SORCS1: variants seen among roughly 807,000 people sequenced by gnomAD.
SORCS1 encodes the protein VPS10 domain-containing receptor SorCS1.
SORCS1 carries 60 observed loss-of-function variants against 146.1 expected under a neutral mutation model. The ratio of observed to expected loss-of-function variants is 0.41; its 90% CI spans 0.33 to 0.51. The LOEUF (loss-of-function observed/expected upper bound fraction) is 0.51, where lower values mean the gene tolerates loss of function less well. Ranked by LOEUF, SORCS1 falls within the 20% of genes least tolerant of loss-of-function variation. The pLI is 0.21. For missense variants in SORCS1, 1,352 were observed against 1,487.6 expected (o/e 0.91, Z 1.50); for synonymous variants, 637 against 584.0 (o/e 1.09, Z -1.31).
At chr10:107,088,703 G>T (rs1290422656) in intron 1 of SORCS1, among the ~76,000 whole-genome samples, 1 of 152,176 alleles carries the variant, frequency 6.6e-6, no homozygotes, top group Non-Finnish European at 1.5e-5. Flanking sequence ...ACCAAAGTGG[G>T]ACAGTTAGCA....
upstream of SORCS1, among the ~76,000 whole-genome samples, chr10:107,166,089 A>T (rs1424284905): frequency 6.6e-6 from 1 of 152,136 alleles, no homozygotes; most frequent in Non-Finnish European, 1.5e-5. Flanking sequence ...CATATACGTA[A>T]TATTCTCTTA....
At chr10:107,034,961 A>G (rs1366926134) in intron 1 of SORCS1, among the ~76,000 whole-genome samples, 2 of 152,194 alleles carry the variant, frequency 1.3e-5, no homozygotes, top group East Asian at 3.9e-4. Flanking sequence ...TCATGGTGAT[A>G]TAATCAATGT....
At chr10:106,915,070 C>T (rs2138302586) in intron 2 of SORCS1, among the ~76,000 whole-genome samples, 1 of 152,328 alleles carries the variant, frequency 6.6e-6, no homozygotes, top group African/African-American at 2.4e-5. Flanking sequence ...GGTTGCTTAT[C>T]TTCAGCTCAG....
chr10:107,078,826 C>T (rs1034448075), intron 1 of SORCS1, among the ~76,000 whole-genome samples: 2 of 152,194 alleles, frequency 1.3e-5, no homozygotes, highest in Admixed American at 1.3e-4. Context: ...GTAAAGTACT[C>T]TCTGCAACTA....
At chr10:106,807,878 T>G (rs1244457183) in intron 3 of SORCS1, among the ~76,000 whole-genome samples, 1 of 152,272 alleles carries the variant, frequency 6.6e-6, no homozygotes, top group Non-Finnish European at 1.5e-5. Context: ...GCAATGTCAA[T>G]GCATTCTTTA....
At chr10:107,071,551 T>A (rs17122035) in intron 1 of SORCS1, among the ~76,000 whole-genome samples, 3 of 152,112 alleles carry the variant, frequency 2.0e-5, no homozygotes, top group African/African-American at 7.3e-5. Context: ...GTTGTTCTGA[T>A]GAAAAATGTG....
At chr10:106,955,856 G>A (rs1384060435) in intron 2 of SORCS1, among the ~76,000 whole-genome samples, 1 of 152,164 alleles carries the variant, frequency 6.6e-6, no homozygotes, top group Non-Finnish European at 1.5e-5. Context: ...AGCCAGGCGT[G>A]GTGGCGCATG....
intron 20 of SORCS1, 86 bp from the exon 21 acceptor site, chr10:106,618,358 T>C: frequency 6.5e-7 from 1 of 1,534,442 alleles, no homozygotes; most frequent in Middle Eastern, 1.7e-4. Context: ...CAATAGGCTG[T>C]CTAACCCAGC....
intron 21 of SORCS1, among the ~76,000 whole-genome samples, chr10:106,612,589 C>T (rs932790277): frequency 1.1e-4 from 16 of 151,884 alleles, no homozygotes; most frequent in African/African-American, 2.4e-4. Flanking sequence ...CAGAGGGATA[C>T]GTGGGGGCAG....
At chr10:107,090,920 A>G (rs1283573575) in intron 1 of SORCS1, among the ~76,000 whole-genome samples, 1 of 36,342 alleles carries the variant, frequency 2.8e-5, no homozygotes, top group African/African-American at 1.8e-4. Flanking sequence ...ATTCTAAAGT[A>G]CACACACACA....
chr10:106,709,350 C>T lies in SORCS1; in HGVS notation c.1025-9G>A, dbSNP rs1173353502. 1.3e-6 allele frequency: 2 copies of T among 1,520,632 alleles called. No individual in the cohort carries two copies. Among genetic ancestry groups the T allele is most frequent in the Non-Finnish European group, 1.8e-6 (2 of 1,100,450 alleles). The allele number at this position is 1,520,632 out of a possible 1,614,324, so 94.2% of individuals were successfully genotyped here. A position where few individuals can be genotyped will look rare whatever the true frequency, so the allele number is the denominator to read the frequency against. On this transcript the variant is annotated splice_polypyrimidine_tract_variant and intron_variant, in intron 6 of 25. Transcript: ENST00000263054. ...AGTTAGATAATGTGAATCTGAAAAA[C>T]AAAAACAAAAACAAAAACATGGGGT...
intron 1 of SORCS1, among the ~76,000 whole-genome samples, chr10:107,141,477 T>C (rs1489459597): frequency 6.7e-6 from 1 of 149,434 alleles, no homozygotes; most frequent in Non-Finnish European, 1.5e-5. Context: ...TTCAAAAAGG[T>C]AGTAGTTATG....
chr10:107,104,143 T>A (rs1965141930), intron 1 of SORCS1, among the ~76,000 whole-genome samples: 1 of 151,790 alleles, frequency 6.6e-6, no homozygotes, highest in Non-Finnish European at 1.5e-5. Context: ...CCAGTGCAAC[T>A]GAGAAATTCA....
chr10:106,629,653 G>C (rs578146573), intron 18 of SORCS1, among the ~76,000 whole-genome samples: 1 of 152,350 alleles, frequency 6.6e-6, no homozygotes, highest in East Asian at 1.9e-4. Context: ...AATAGTGCTT[G>C]ATTATCAGCT....
At chr10:107,008,498 C>G (rs940842304) in intron 1 of SORCS1, among the ~76,000 whole-genome samples, 4 of 152,102 alleles carry the variant, frequency 2.6e-5, no homozygotes, top group African/African-American at 9.7e-5. Context: ...GAAAGATGTT[C>G]CCACAACAGA....
chr10:106,747,629 C>T (rs564189529), intron 5 of SORCS1, among the ~76,000 whole-genome samples: 10 of 152,250 alleles, frequency 6.6e-5, no homozygotes, highest in Non-Finnish European at 1.0e-4. Context: ...TTCTGCATCT[C>T]GGTAGTTATC....
At chr10:106,884,700 G>A (rs1241538417) in intron 2 of SORCS1, among the ~76,000 whole-genome samples, 1 of 151,932 alleles carries the variant, frequency 6.6e-6, no homozygotes, top group Non-Finnish European at 1.5e-5. Flanking sequence ...TATCACCAGC[G>A]GTTGTCAATT....
intron 1 of SORCS1, among the ~76,000 whole-genome samples, chr10:107,014,738 C>A (rs7911123): frequency 0.18 from 26,656 of 152,088 alleles, 6,118 homozygotes; most frequent in African/African-American, 0.54. Context: ...TGGACATTCA[C>A]GTTTGAAGAT....
intron 2 of SORCS1, among the ~76,000 whole-genome samples, chr10:106,903,191 A>G (rs116868890): frequency 6.6e-6 from 1 of 152,302 alleles, no homozygotes; most frequent in East Asian, 1.9e-4. Flanking sequence ...TCTCCATTTT[A>G]ATGTTTCCAA....
Sources: gnomAD v4.1 joint callset for allele counts (sites outside exome capture counted in the v4.1 genomes callset) on GRCh38, gnomAD v4.1.1 for gene constraint, MANE v1.5 for transcripts, NCBI Gene and HGNC (gene_info 2026-07-23, HGNC 2026-07-21) for gene names.